Variants in LRMDA observed in about 807,000 individuals in gnomAD.
The protein encoded by LRMDA is leucine rich melanocyte differentiation associated, also known as leucine-rich melanocyte differentiation-associated protein.
A neutral mutation model predicts 29.8 loss-of-function variants in LRMDA; 18 were observed. The ratio of observed to expected loss-of-function variants is 0.60; its 90% CI spans 0.42 to 0.90. LRMDA has a LOEUF of 0.90. LRMDA is among the 40% of genes least tolerant of loss of function. The pLI is 0.00. For synonymous variants in LRMDA, 125 were observed against 109.4 expected (o/e 1.14, Z -0.89); for missense variants, 273 against 273.9 (o/e 1.00, Z 0.02).
chr10:76,423,981 AG>A (rs1164260145), intron 6 of LRMDA, among the ~76,000 whole-genome samples: 2 of 152,272 alleles, frequency 1.3e-5, no homozygotes, highest in East Asian at 3.9e-4. Flanking sequence ...AGAGGGCCAG[AG>A]GGGCTCCTTT....
intron 2 of LRMDA, among the ~76,000 whole-genome samples, chr10:75,627,273 A>G (rs1447331427): frequency 6.6e-6 from 1 of 152,160 alleles, no homozygotes; most frequent in Non-Finnish European, 1.5e-5. Context: ...TTTTTATATT[A>G]TTTGTGAGCC....
chr10:75,514,577 A>G (rs1178101195), intron 2 of LRMDA, among the ~76,000 whole-genome samples: 3 of 152,132 alleles, frequency 2.0e-5, no homozygotes, highest in East Asian at 3.9e-4. Context: ...TGGATCCATC[A>G]TGAATGGCTT....
chr10:75,938,876 T>C (rs1846340977), intron 2 of LRMDA, among the ~76,000 whole-genome samples: 2 of 152,338 alleles, frequency 1.3e-5, no homozygotes, highest in South Asian at 2.1e-4. Context: ...CCAGCTAGTA[T>C]TGTAAATCTT....
At chr10:75,568,015 C>T (rs1840394173) in intron 2 of LRMDA, among the ~76,000 whole-genome samples, 1 of 152,190 alleles carries the variant, frequency 6.6e-6, no homozygotes, top group Non-Finnish European at 1.5e-5. Context: ...AGCAAGGCTA[C>T]ACCTAGGATA....
At chr10:75,548,387 A>G (rs1183618446) in intron 2 of LRMDA, among the ~76,000 whole-genome samples, 3 of 152,158 alleles carry the variant, frequency 2.0e-5, no homozygotes, top group Non-Finnish European at 4.4e-5. Context: ...TGTGTCCTGA[A>G]TTTGCCCAAG....
chr10:76,109,414 G>T (rs1440919172), intron 5 of LRMDA, among the ~76,000 whole-genome samples: 1 of 152,180 alleles, frequency 6.6e-6, no homozygotes, highest in East Asian at 1.9e-4. Flanking sequence ...TGTGATAGAT[G>T]CCATCAATTT....
chr10:76,441,442 C>T (rs984307888), intron 6 of LRMDA, among the ~76,000 whole-genome samples: 1 of 152,146 alleles, frequency 6.6e-6, no homozygotes, highest in African/African-American at 2.4e-5. Context: ...AATGGGGATA[C>T]TGATAGTATC....
rs747431492 is a variant in LRMDA at position 76,559,257 on chromosome 10, T to C, written c.*1969T>C. The C allele has an allele frequency of 6.6e-6, 1 of 152,210 alleles. No individual in the cohort carries two copies. Among genetic ancestry groups the C allele is most frequent in the Non-Finnish European group, 1.5e-5 (1 of 68,044 alleles). The allele number at this position is 152,210 out of a possible 1,614,324, so 9.4% of individuals were successfully genotyped here. On this transcript the variant is annotated 3_prime_UTR_variant, in exon 7 of 7. Coordinates refer to ENST00000611255, the MANE Select transcript of LRMDA (RefSeq NM_001305581.2). Reference sequence around the variant, plus strand: ...TTCCATCTTTATTTTTCTTACTTGTTTACTTTTTTTAATGTCAGAACCATT... The same window carrying C: ...TTCCATCTTTATTTTTCTTACTTGTCTACTTTTTTTAATGTCAGAACCATT...
chr10:76,041,653 A>G (rs1428532070), intron 3 of LRMDA, among the ~76,000 whole-genome samples: 2 of 152,156 alleles, frequency 1.3e-5, no homozygotes, highest in African/African-American at 2.4e-5. Flanking sequence ...AACTGGACAC[A>G]GGCTAGGAGG....
At chr10:75,635,218 G>T (rs1055367965) in intron 2 of LRMDA, among the ~76,000 whole-genome samples, 1 of 152,080 alleles carries the variant, frequency 6.6e-6, no homozygotes, top group African/African-American at 2.4e-5. Flanking sequence ...TAAATGACAG[G>T]CTGGACCTCA....
intron 6 of LRMDA, among the ~76,000 whole-genome samples, chr10:76,490,417 C>T (rs549275632): frequency 1.3e-5 from 2 of 151,888 alleles, no homozygotes; most frequent in East Asian, 3.9e-4. Flanking sequence ...CTCTCTCTCT[C>T]TCTCTCTTTA....
intron 2 of LRMDA, among the ~76,000 whole-genome samples, chr10:75,792,034 T>C: frequency 6.6e-6 from 1 of 151,540 alleles, no homozygotes; most frequent in East Asian, 2.0e-4. Flanking sequence ...TAATTTTTTG[T>C]ATTTTTAGTA....
rs527267430 is a variant in LRMDA at position 75,773,661 on chromosome 10, G to A, written c.132-262347G>A. ...TTTCAGCTCACACTTCGCCCAGTGA[G>A]TAATATTTGTTCCAGCCTTTGGGTC... On this transcript the variant is annotated intron_variant, in intron 2 of 6. Coordinates refer to ENST00000611255, the MANE Select transcript of LRMDA (RefSeq NM_001305581.2). Among the ~76,000 whole-genome samples the A allele has an allele frequency of 1.5e-3, 232 of 152,338 alleles. 1 individual carries two copies. The highest frequency in any genetic ancestry group is 2.6e-3 in the Non-Finnish European group (177 of 68,028).
chr10:75,557,856 C>T (rs1840234372), intron 2 of LRMDA, among the ~76,000 whole-genome samples: 1 of 152,194 alleles, frequency 6.6e-6, no homozygotes, highest in South Asian at 2.1e-4. Context: ...TGTCTTCCAT[C>T]TGCGTCCTCA....
chr10:75,636,110 C>T (rs1841387235), intron 2 of LRMDA, among the ~76,000 whole-genome samples: 1 of 152,144 alleles, frequency 6.6e-6, no homozygotes, highest in African/African-American at 2.4e-5. Flanking sequence ...CTTTTGTATC[C>T]ATCTACCTAT....
At chr10:75,563,327 C>A (rs998629470) in intron 2 of LRMDA, among the ~76,000 whole-genome samples, 1 of 152,084 alleles carries the variant, frequency 6.6e-6, no homozygotes, top group Non-Finnish European at 1.5e-5. Context: ...TGCATTGGCT[C>A]CTGAGGCTTC....
intron 2 of LRMDA, among the ~76,000 whole-genome samples, chr10:76,007,284 C>T (rs1286183398): frequency 1.3e-5 from 2 of 151,600 alleles, no homozygotes; most frequent in African/African-American, 4.8e-5. Flanking sequence ...TCCCCTCCTT[C>T]CCCATTCTCT....
chr10:75,631,539 C>T (rs144616126), intron 2 of LRMDA, among the ~76,000 whole-genome samples: 1 of 152,114 alleles, frequency 6.6e-6, no homozygotes, highest in East Asian at 1.9e-4. Context: ...ACCCTCACGT[C>T]CTTTGTGTGA....
At position 76,441,198 on chromosome 10, in the gene LRMDA, G is replaced by A. The variant is rs564491112; in HGVS notation, c.602-116011G>A. On this transcript the variant is annotated intron_variant, in intron 6 of 6. Transcript: ENST00000611255. ...CTCTCTCTTCTCTCTCTTTCTCTCT[G>A]ACTTAAGATTTTGCTGTGGTAATTA... Among the ~76,000 whole-genome samples the A allele has an allele frequency of 1.5e-3, 227 of 152,172 alleles. 3 individuals are homozygous for A. The highest frequency in any genetic ancestry group is 3.8e-4 in the Non-Finnish European group (26 of 68,014).
Sources: allele counts gnomAD v4.1 joint callset (sites outside exome capture counted in the v4.1 genomes callset), GRCh38; gene constraint gnomAD v4.1.1; transcripts MANE v1.5; gene names NCBI Gene and HGNC (gene_info 2026-07-23, HGNC 2026-07-21).